CD36: variants seen among roughly 807,000 people sequenced by gnomAD.
The protein encoded by CD36 is platelet glycoprotein 4.
In CD36, 119 loss-of-function variants were observed where a neutral mutation model predicts 55.2. That is an observed-to-expected ratio of 2.15 (90% CI 1.86 to 2.51). The LOEUF (loss-of-function observed/expected upper bound fraction) is 2.51. CD36 is among the 30% of genes most tolerant of loss of function. The pLI is 0.00. For synonymous variants in CD36, 186 were observed against 193.6 expected, an observed-to-expected ratio of 0.96 and a Z score of 0.33; for missense variants, 819 against 555.5, an observed-to-expected ratio of 1.47 and a Z score of -4.77.
intron 1 of CD36, among the ~76,000 whole-genome samples, chr7:80,609,472 T>C (rs776175637): frequency 6.6e-6 from 1 of 151,874 alleles, no homozygotes; most frequent in Non-Finnish European, 1.5e-5. Context: ...TGAGTGTAGA[T>C]GTCACGGCCT....
At chr7:80,660,693 C>CCTAA (rs1258710312) in intron 4 of CD36, among the ~76,000 whole-genome samples, 1 of 152,166 alleles carries the variant, frequency 6.6e-6, no homozygotes, top group Non-Finnish European at 1.5e-5. Context: ...CCGTACTTTA[C>CCTAA]CTAACTAAAC....
intron 1 of CD36, among the ~76,000 whole-genome samples, chr7:80,604,515 C>T (rs1792434604): frequency 6.6e-6 from 1 of 151,174 alleles, no homozygotes; most frequent in South Asian, 2.1e-4. Flanking sequence ...TAGATACGTG[C>T]TTGTTGGTAC....
chr7:80,671,295 GA>G (rs1275372607), intron 10 of CD36, 131 bp downstream of exon 10: 2 of 632,318 alleles, frequency 3.2e-6, no homozygotes, highest in Admixed American at 5.8e-5. Flanking sequence ...TTTAAAATGA[GA>G]ACTTTACCAT....
intron 8 of CD36, among the ~76,000 whole-genome samples, chr7:80,667,742 C>CTTTT (rs1554344704): frequency 1.1e-5 from 1 of 92,940 alleles, no homozygotes; most frequent in African/African-American, 3.8e-5. Flanking sequence ...CAGGGGTTTT[C>CTTTT]TTTTGTTTTT....
chr7:80,620,792 G>A (rs1259222412), intron 1 of CD36, among the ~76,000 whole-genome samples: 1 of 152,072 alleles, frequency 6.6e-6, no homozygotes, highest in African/African-American at 2.4e-5. Context: ...CTGTAACTAG[G>A]GTTAAGGGAA....
Position 80,679,201 on chromosome 7 carries a change from T to G in CD36, c.*2818T>G, listed in dbSNP as rs532615487. 6.6e-6 allele frequency: 1 copy of G among 152,324 alleles called. No individual in the cohort carries two copies. The highest frequency in any genetic ancestry group is 2.4e-5 in the African/African-American group (1 of 41,574). 9.4% of individuals were successfully genotyped at this position (152,324 alleles called of 1,614,324 possible). On this transcript the variant is annotated 3_prime_UTR_variant, in exon 15 of 15. Coordinates refer to ENST00000447544, the MANE Select transcript of CD36 (RefSeq NM_001001548.3). The stretch of plus-strand genomic sequence containing the variant: ...TCAAATACATAAAAGGAATACTGCT[T>G]TTTCCTTTTGTGGCTCAAAGGTAGC...
intron 1 of CD36, among the ~76,000 whole-genome samples, chr7:80,630,298 A>G (rs1042521848): frequency 6.6e-6 from 1 of 152,044 alleles, no homozygotes; most frequent in Non-Finnish European, 1.5e-5. Context: ...AGAAGAGCTA[A>G]TGAACTTACA....
chr7:80,645,863 GTCTA>G (rs1795132068), intron 1 of CD36, among the ~76,000 whole-genome samples: 1 of 152,046 alleles, frequency 6.6e-6, no homozygotes, highest in Admixed American at 6.6e-5. Flanking sequence ...TATACCTGTA[GTCTA>G]TCCAAAGTCA....
chr7:80,612,796 C>T (rs2115794255), intron 1 of CD36, among the ~76,000 whole-genome samples: 1 of 152,194 alleles, frequency 6.6e-6, no homozygotes, highest in East Asian at 1.9e-4. Flanking sequence ...GGAATGGGCT[C>T]AATCTAGCTA....
At chr7:80,674,952 C>T (rs1798099980) in intron 14 of CD36, among the ~76,000 whole-genome samples, 1 of 152,078 alleles carries the variant, frequency 6.6e-6, no homozygotes, top group African/African-American at 2.4e-5. Context: ...TTCCAATAGC[C>T]TGGATTCATC....
At chr7:80,617,406 T>C (rs1172242049) in intron 1 of CD36, among the ~76,000 whole-genome samples, 11 of 151,888 alleles carry the variant, frequency 7.2e-5, no homozygotes, top group Admixed American at 7.2e-4. Flanking sequence ...AATATATGTA[T>C]CCTCAAAATA....
chr7:80,672,247 A>G (rs1023220233), intron 11 of CD36, among the ~76,000 whole-genome samples: 46 of 151,826 alleles, frequency 3.0e-4, no homozygotes, highest in Admixed American at 4.6e-4. Context: ...ATAAATATTT[A>G]TGTTTAGATG....
At chr7:80,640,783 C>T (rs1466980843) in intron 1 of CD36, among the ~76,000 whole-genome samples, 1 of 151,878 alleles carries the variant, frequency 6.6e-6, no homozygotes, top group East Asian at 1.9e-4. Flanking sequence ...AGAAGGATCC[C>T]AAGTATAATA....
At chr7:80,647,181 G>C in intron 3 of CD36, 2 of 294,504 alleles carry the variant, frequency 6.8e-6, no homozygotes, top group Non-Finnish European at 1.3e-5. Context: ...CTTTTGAGTA[G>C]GAAATAAGTG....
At chr7:80,673,259 TAGCAAC>T (rs1469972292) in intron 12 of CD36, 90 bp from the exon 13 acceptor site, 1 of 630,054 alleles carries the variant, frequency 1.6e-6, no homozygotes, top group Admixed American at 2.9e-5. Context: ...AAAATCAAAT[TAGCAAC>T]AGCAACTAAT....
At chr7:80,674,482 T>A in intron 14 of CD36, 1 of 262,690 alleles carries the variant, frequency 3.8e-6, no homozygotes, top group South Asian at 4.3e-5. Flanking sequence ...TAAAAATAAT[T>A]GACTAGGAAA....
upstream of CD36, among the ~76,000 whole-genome samples, chr7:80,635,276 G>GTTATTT (rs1554335095): frequency 0.051 from 7,680 of 151,932 alleles, 400 homozygotes; most frequent in East Asian, 0.24. Flanking sequence ...ATTATTTGTT[G>GTTATTT]TTGTTTTTGT....
chr7:80,651,371 G>A (rs559349753), intron 3 of CD36, among the ~76,000 whole-genome samples: 2 of 151,982 alleles, frequency 1.3e-5, no homozygotes, highest in Middle Eastern at 3.4e-3. Flanking sequence ...ACTTGCACAT[G>A]TACCTCTGAC....
chr7:80,672,825 A>T lies in CD36; in HGVS notation c.1181A>T (p.Lys394Met), dbSNP rs778081291. 15 of 1,610,328 alleles carry T rather than the reference A, an allele frequency of 9.3e-6. No individual in the cohort carries two copies. The African/African-American group carries it at 1.7e-4, about 19-fold the overall frequency. Residue 394 changes from lysine to methionine, a missense_variant, in exon 12 of 15, where the codon AAG becomes ATG. Transcript: ENST00000447544. ...AKRLQVNLLV[K>M]PSEKIQVLKN... ...CGGCTGCAGGTCAACCTATTGGTCA[A>T]GCCATCAGAAAAAATTCAGTGAGTC...
Sources: allele counts gnomAD v4.1 joint callset (sites outside exome capture counted in the v4.1 genomes callset), GRCh38; gene constraint gnomAD v4.1.1; transcripts MANE v1.5; gene names NCBI Gene and HGNC (gene_info 2026-07-23, HGNC 2026-07-21).